The following USP22 variants were observed in gnomAD, a reference collection of about 807,000 sequenced individuals.
The protein encoded by USP22 is ubiquitin specific peptidase 22, also known as ubiquitin carboxyl-terminal hydrolase 22.
A neutral mutation model predicts 68.1 loss-of-function variants in USP22; 22 were observed. That is an observed-to-expected ratio of 0.32 (90% confidence interval 0.23 to 0.46). The LOEUF is 0.46. USP22 is among the 20% of genes least tolerant of loss of function. USP22 has a pLI of 1.00. For synonymous variants in USP22, 279 were observed against 274.2 expected, an observed-to-expected ratio of 1.02 and a Z score of -0.17; for missense variants, 433 against 695.8, an observed-to-expected ratio of 0.62 and a Z score of 4.25.
chr17:21,016,331 G>C (rs1039475018), intron 5 of USP22, among the ~76,000 whole-genome samples: 1 of 152,186 alleles, frequency 6.6e-6, no homozygotes, highest in East Asian at 1.9e-4. Context: ...CTGCCTCTGA[G>C]GCTAATGGCA....
intron 1 of USP22, chr17:21,042,409 G>A (rs1223538615): frequency 7.2e-6 from 2 of 277,776 alleles, no homozygotes; most frequent in Non-Finnish European, 1.3e-5. Flanking sequence ...GGAGGGGGAG[G>A]GAAAGGAAGA....
chr17:21,043,336 T>G (rs1451465023), upstream of USP22: 2 of 113,082 alleles, frequency 1.8e-5, no homozygotes, highest in African/African-American at 7.2e-5. Flanking sequence ...GCTATTGTCA[T>G]AGGCTCTCAG....
intron 1 of USP22, among the ~76,000 whole-genome samples, chr17:21,037,450 A>G (rs900084091): frequency 6.6e-6 from 1 of 152,180 alleles, no homozygotes. Flanking sequence ...TGACAGCATC[A>G]TCCTTAATTT....
At chr17:21,016,329 G>C (rs1456957507) in intron 5 of USP22, among the ~76,000 whole-genome samples, 1 of 152,188 alleles carries the variant, frequency 6.6e-6, no homozygotes, top group Non-Finnish European at 1.5e-5. Context: ...CTCTGCCTCT[G>C]AGGCTAATGG....
At position 21,042,917 on chromosome 17, in the gene USP22, C is replaced by CGGCTGGCCA. The variant is rs1048776231; in HGVS notation, c.-91_-83dup. 9.0e-6 allele frequency: 9 copies of CGGCTGGCCA among 1,003,570 alleles called. No homozygotes were observed. The highest frequency in any genetic ancestry group is 3.6e-4 in the Middle Eastern group (1 of 2,812). The allele number at this position is 1,003,570 out of a possible 1,614,324, so 62.2% of individuals were successfully genotyped here. On this transcript the variant is annotated 5_prime_UTR_variant, in exon 1 of 13. Transcript: ENST00000261497. ...CCAGCGCGGCGTGGGGGCTGCTCGG[C>CGGCTGGCCA]GGCTGGCCAGGCTGGCCAAGGCCCG...
chr17:21,005,121 G>A (rs562006028), intron 10 of USP22, 131 bp from the exon 11 acceptor site: 679 of 1,021,828 alleles, frequency 6.6e-4, no homozygotes, highest in Non-Finnish European at 8.7e-4. Context: ...TTATGCTTCA[G>A]GCAGAAATCT....
chr17:21,021,197 A>G lies in USP22; in HGVS notation c.334T>C (p.Cys112Arg). The G allele has an allele frequency of 6.2e-7, 1 of 1,614,026 alleles. No homozygotes were observed. Among genetic ancestry groups the G allele is most frequent in the Admixed American group, 1.7e-5 (1 of 60,028 alleles). Residue 112 changes from cysteine to arginine, a missense_variant, in exon 3 of 13, where the codon TGT becomes CGT. Around this residue, in one of 4 missense-constraint regions of USP22, gnomAD observed 144 missense variants for 237.2 expected, o/e 0.61. Transcript: ENST00000261497. The part of the protein sequence containing the change: ...AIDLMYGGIY[C>R]FLCQDYIYDK... ...TAGATGTAGTCCTGGCACAGAAAAC[A>G]GTAGATGCCTCCGTACATCAGATCA...
chr17:21,043,241 G>A (rs1487685379), upstream of USP22: 3 of 178,792 alleles, frequency 1.7e-5, no homozygotes, highest in East Asian at 4.2e-4. Context: ...AGGAAGCGTG[G>A]TAGGGGGGGG....
intron 2 of USP22, among the ~76,000 whole-genome samples, chr17:21,022,307 A>G (rs574098854): frequency 1.6e-4 from 25 of 152,258 alleles, no homozygotes; most frequent in African/African-American, 6.0e-4. Context: ...AATTGTCAAC[A>G]TAAACCTTTA....
chr17:21,035,933 A>AG (rs1288394469), intron 1 of USP22, among the ~76,000 whole-genome samples: 1 of 145,932 alleles, frequency 6.9e-6, no homozygotes, highest in East Asian at 2.1e-4. Context: ...CGGGAGGCTG[A>AG]GGCAAGAGAA....
At chr17:21,027,052 CCA>C (rs1972229643) in intron 2 of USP22, among the ~76,000 whole-genome samples, 1 of 151,676 alleles carries the variant, frequency 6.6e-6, no homozygotes, top group African/African-American at 2.4e-5. Context: ...CCTTGGTCTC[CCA>C]CAGTGCTGGG....
At chr17:21,014,285 A>G (rs900378956) in intron 6 of USP22, among the ~76,000 whole-genome samples, 13 of 152,224 alleles carry the variant, frequency 8.5e-5, no homozygotes, top group Non-Finnish European at 1.5e-4. Context: ...TGTCATGTGA[A>G]CATTTAACAG....
chr17:21,012,709 A>T (rs17770614), intron 7 of USP22, 121 bp downstream of exon 7: 53 of 887,244 alleles, frequency 6.0e-5, no homozygotes, highest in Non-Finnish European at 8.5e-5. Flanking sequence ...GGCGTCTATT[A>T]ATCATTTATC....
chr17:21,018,637 A>C (rs1972117320), intron 4 of USP22, among the ~76,000 whole-genome samples: 1 of 152,078 alleles, frequency 6.6e-6, no homozygotes, highest in Non-Finnish European at 1.5e-5. Flanking sequence ...GCTTGGGCCC[A>C]GGAGACAGAG....
intron 8 of USP22, among the ~76,000 whole-genome samples, chr17:21,010,647 G>A (rs1308437177): frequency 7.0e-6 from 1 of 142,680 alleles, no homozygotes; most frequent in South Asian, 2.2e-4. Context: ...CTGGTCGACA[G>A]AGCACAACTC....
chr17:21,040,723 G>A (rs897676645), intron 1 of USP22, among the ~76,000 whole-genome samples: 3 of 152,082 alleles, frequency 2.0e-5, no homozygotes, highest in African/African-American at 7.2e-5. Context: ...GGAGAGGGAG[G>A]GAGGGAACGG....
intron 7 of USP22, chr17:21,011,615 C>G: frequency 2.9e-6 from 1 of 342,324 alleles, no homozygotes; most frequent in Non-Finnish European, 5.5e-6. Flanking sequence ...ACTCATGGGC[C>G]CTGTCAGAGG....
intron 5 of USP22, 142 bp downstream of exon 5, chr17:21,017,800 A>AATATAC: frequency 9.2e-7 from 1 of 1,089,516 alleles, no homozygotes; most frequent in African/African-American, 1.6e-5. Flanking sequence ...TGTTTTCCAT[A>AATATAC]ATAGACATGT....
At chr17:21,022,006 G>A (rs2127094) in intron 2 of USP22, among the ~76,000 whole-genome samples, 114,340 of 152,062 alleles carry the variant, frequency 0.75, 43,435 homozygotes, top group South Asian at 0.82. Context: ...GAGCTGAGGC[G>A]TGAGAACAGC....
Sources: gnomAD v4.1 joint callset for allele counts (sites outside exome capture counted in the v4.1 genomes callset) on GRCh38, gnomAD v4.1.1 for gene constraint, gnomAD v4.1.1 regional missense constraint, MANE v1.5 for transcripts, NCBI Gene and HGNC (gene_info 2026-07-23, HGNC 2026-07-21) for gene names.